The following PTH2R variants were observed in gnomAD, a reference collection of about 807,000 sequenced individuals.
PTH2R encodes parathyroid hormone 2 receptor.
Under a neutral mutation model 60.3 loss-of-function variants are expected in PTH2R, and 59 were observed. The ratio of observed to expected loss-of-function variants is 0.98; its 90% CI spans 0.79 to 1.22. The LOEUF (loss-of-function observed/expected upper bound fraction) is 1.22, where lower values mean the gene tolerates loss of function less well. PTH2R is among the 50% of genes most tolerant of loss of function. PTH2R has a pLI of 0.00. For synonymous variants in PTH2R, 256 were observed against 243.8 expected (o/e 1.05, Z -0.47); for missense variants, 749 against 682.6 (o/e 1.10, Z -1.08).
chr2:208,468,966 G>A (rs192172408), intron 9 of PTH2R, among the ~76,000 whole-genome samples: 97 of 152,302 alleles, frequency 6.4e-4, no homozygotes, highest in Admixed American at 2.2e-3. Context: ...GAGGAAAGAG[G>A]CAAAGTAAGA....
intron 1 of PTH2R, among the ~76,000 whole-genome samples, chr2:208,362,508 A>G (rs1292008193): frequency 6.6e-6 from 1 of 152,180 alleles, no homozygotes; most frequent in Non-Finnish European, 1.5e-5. Context: ...GTCTCATGAT[A>G]TCTATATAGA....
upstream of PTH2R, among the ~76,000 whole-genome samples, chr2:208,405,505 A>G (rs138671772): frequency 5.3e-3 from 814 of 152,342 alleles, 4 homozygotes; most frequent in Non-Finnish European, 7.3e-3. Flanking sequence ...TTTTCTACAT[A>G]AATAGGGAAT....
At chr2:208,485,442 G>T (rs555959939) in intron 10 of PTH2R, among the ~76,000 whole-genome samples, 1 of 152,142 alleles carries the variant, frequency 6.6e-6, no homozygotes, top group African/African-American at 2.4e-5. Flanking sequence ...GTATAAAAAC[G>T]TACAATGTGC....
intron 9 of PTH2R, among the ~76,000 whole-genome samples, chr2:208,480,332 C>A (rs1447890299): frequency 6.6e-6 from 1 of 152,130 alleles, no homozygotes; most frequent in Non-Finnish European, 1.5e-5. Flanking sequence ...AAGCAGACAT[C>A]TCCCTGAATG....
At chr2:208,374,363 C>T (rs1574816065) in intron 1 of PTH2R, among the ~76,000 whole-genome samples, 1 of 152,144 alleles carries the variant, frequency 6.6e-6, no homozygotes, top group East Asian at 1.9e-4. Flanking sequence ...TCACTGCTAC[C>T]TCACATTAAC....
intron 1 of PTH2R, 109 bp downstream of exon 1, chr2:208,407,227 T>C (rs1701434467): frequency 4.2e-6 from 4 of 943,484 alleles, no homozygotes; most frequent in African/African-American, 3.4e-5. Flanking sequence ...TGTTCACACG[T>C]CCACAAACGC....
chr2:208,487,887 G>A (rs921920682), intron 10 of PTH2R, among the ~76,000 whole-genome samples: 3 of 152,206 alleles, frequency 2.0e-5, no homozygotes, highest in Non-Finnish European at 4.4e-5. Flanking sequence ...CCAAGCAAGA[G>A]AGCCAGTCTG....
Position 208,444,746 on chromosome 2 carries a change from A to T in PTH2R, c.712A>T (p.Ile238Phe), listed in dbSNP as rs778213238. The T allele has an allele frequency of 6.2e-7, 1 of 1,613,576 alleles. No homozygotes were observed. Among genetic ancestry groups the T allele is most frequent in the Non-Finnish European group, 8.5e-7 (1 of 1,179,772 alleles). Residue 238 changes from isoleucine (I) to phenylalanine (F), a missense_variant, in exon 7 of 13, where the codon ATT (isoleucine) becomes TTT (phenylalanine). Physicochemically the swap from Ile to Phe is conservative, Grantham distance 21. Transcript: ENST00000272847. ...TTATTTGTAATAGATCGGGTGCAAGATTGCTGTTGTGATGTTTATTTACTT... is the reference window on the plus strand; with the variant it reads ...TTATTTGTAATAGATCGGGTGCAAGTTTGCTGTTGTGATGTTTATTTACTT... ...VDKSQYIGCKIAVVMFIYFLA... is the reference protein window; with the variant it reads ...VDKSQYIGCKFAVVMFIYFLA...
At position 208,410,153 on chromosome 2, in the gene PTH2R, T is replaced by C. The variant is rs191692370; in HGVS notation, c.75+3035T>C. Among the ~76,000 whole-genome samples, 4 of 152,196 alleles carry C rather than the reference T, an allele frequency of 2.6e-5. No individual in the cohort carries two copies. The East Asian group carries it at 7.7e-4, about 29-fold the overall frequency. ...TCAGAGCCTACTAGAAAATCAGAAA[T>C]CTCTTTCTAGGTGTGGAAAAATGGT... On this transcript the variant is annotated intron_variant, in intron 1 of 12. Transcript: ENST00000272847.
chr2:208,467,879 GTACA>G (rs1423734736), intron 9 of PTH2R, among the ~76,000 whole-genome samples: 11 of 152,170 alleles, frequency 7.2e-5, no homozygotes, highest in Admixed American at 5.2e-4. Context: ...AGATGAGAAA[GTACA>G]TACAAGTTTT....
chr2:208,432,090 C>A (rs984436358), intron 2 of PTH2R, among the ~76,000 whole-genome samples: 2 of 152,140 alleles, frequency 1.3e-5, no homozygotes. Context: ...CAAAGAGATA[C>A]ATCATCATGA....
intron 1 of PTH2R, among the ~76,000 whole-genome samples, chr2:208,369,372 T>C (rs1435025241): frequency 6.6e-6 from 1 of 150,846 alleles, no homozygotes; most frequent in African/African-American, 2.5e-5. Context: ...CTCTCTCTCT[T>C]TTTTTTTTTT....
intron 1 of PTH2R, among the ~76,000 whole-genome samples, chr2:208,365,950 ATATATATATATTTTTTTTTTTTTTTTTT>A: frequency 6.0e-5 from 1 of 16,782 alleles, no homozygotes; most frequent in Non-Finnish European, 1.1e-4. Context: ...ATATATATAT[ATATATATATATTTTTTTTTTTTTTTTTT>A]TTTTTTTTTT....
At chr2:208,380,840 G>C (rs986224416) in intron 1 of PTH2R, among the ~76,000 whole-genome samples, 2 of 152,102 alleles carry the variant, frequency 1.3e-5, no homozygotes, top group Non-Finnish European at 2.9e-5. Context: ...AGTACTGACT[G>C]TCAGTAAGGA....
chr2:208,403,190 A>G (rs2105826229), upstream of PTH2R, among the ~76,000 whole-genome samples: 2 of 152,370 alleles, frequency 1.3e-5, no homozygotes, highest in South Asian at 4.1e-4. Flanking sequence ...CATTTAATCC[A>G]TGATATTGGC....
At chr2:208,430,679 T>C (rs565674600) in intron 2 of PTH2R, among the ~76,000 whole-genome samples, 11 of 152,236 alleles carry the variant, frequency 7.2e-5, no homozygotes, top group African/African-American at 2.6e-4. Context: ...TCCGAGTAGC[T>C]GGGACTACAG....
chr2:208,448,148 T>TA (rs1702327363), intron 7 of PTH2R, among the ~76,000 whole-genome samples: 1 of 152,132 alleles, frequency 6.6e-6, no homozygotes, highest in African/African-American at 2.4e-5. Context: ...ATTCCCTTTG[T>TA]AAAATATCTT....
chr2:208,415,670 A>C (rs1297989025), intron 1 of PTH2R, among the ~76,000 whole-genome samples: 2 of 152,232 alleles, frequency 1.3e-5, no homozygotes, highest in Non-Finnish European at 2.9e-5. Flanking sequence ...CTAATATAAT[A>C]CAATATATGT....
intron 1 of PTH2R, among the ~76,000 whole-genome samples, chr2:208,377,965 C>T (rs551631460): frequency 1.8e-4 from 27 of 152,132 alleles, no homozygotes; most frequent in South Asian, 6.2e-4. Context: ...ACTTCCCAGA[C>T]GGGGTGGCGG....
Sources: allele counts gnomAD v4.1 joint callset (sites outside exome capture counted in the v4.1 genomes callset), GRCh38; gene constraint gnomAD v4.1.1; transcripts MANE v1.5; gene names NCBI Gene and HGNC (gene_info 2026-07-23, HGNC 2026-07-21).